The following UBE2Q2 variants were observed in gnomAD, a reference collection of about 807,000 sequenced individuals.
UBE2Q2 encodes the protein ubiquitin-conjugating enzyme E2 Q2.
In UBE2Q2, 54 loss-of-function variants were observed where a neutral mutation model predicts 59.9. The ratio of observed to expected loss-of-function variants is 0.90; its 90% CI spans 0.72 to 1.13. UBE2Q2 has a LOEUF of 1.13. Ranked by LOEUF, UBE2Q2 falls within the 50% of genes most tolerant of loss-of-function variation. UBE2Q2 has a pLI of 0.00. For missense variants in UBE2Q2, 433 were observed against 441.9 expected, an observed-to-expected ratio of 0.98 and a Z score of 0.18; for synonymous variants, 165 against 155.2, an observed-to-expected ratio of 1.06 and a Z score of -0.47.
chr15:75,876,114 C>A, intron 5 of UBE2Q2, 73 bp from the exon 6 acceptor site: 5 of 1,216,698 alleles, frequency 4.1e-6, no homozygotes, highest in South Asian at 1.3e-5. Flanking sequence ...TTGCTGTAAT[C>A]TTTTAGATCA....
intron 11 of UBE2Q2, among the ~76,000 whole-genome samples, chr15:75,893,876 T>C (rs901739708): frequency 1.3e-5 from 2 of 152,162 alleles, no homozygotes; most frequent in Non-Finnish European, 2.9e-5. Flanking sequence ...TAATTAAAAT[T>C]ACTAAAATTC....
intron 4 of UBE2Q2, among the ~76,000 whole-genome samples, chr15:75,870,637 A>G (rs1469301843): frequency 6.6e-6 from 1 of 152,174 alleles, no homozygotes; most frequent in East Asian, 1.9e-4. Context: ...GAGATGTCAG[A>G]TTAGGACAAG....
chr15:75,898,153 CT>C (rs1899536657), intron 12 of UBE2Q2, among the ~76,000 whole-genome samples: 1 of 152,156 alleles, frequency 6.6e-6, no homozygotes, highest in African/African-American at 2.4e-5. Flanking sequence ...TCTAATTTGC[CT>C]TTTTATAGAG....
chr15:75,875,148 A>G (rs1898007098), intron 5 of UBE2Q2, among the ~76,000 whole-genome samples: 1 of 152,216 alleles, frequency 6.6e-6, no homozygotes, highest in Non-Finnish European at 1.5e-5. Context: ...ACACTTTTGC[A>G]TGATGGATAC....
Position 75,897,044 on chromosome 15 carries a change from A to G in UBE2Q2, c.1079A>G (p.Gln360Arg). 1 of 1,566,228 alleles carries G rather than the reference A, an allele frequency of 6.4e-7. No homozygotes were observed. Among genetic ancestry groups the G allele is most frequent in the Non-Finnish European group, 8.7e-7 (1 of 1,153,498 alleles). The change falls in exon 12 of 13, where the codon CAG becomes CGG. Residue 360 changes from glutamine to arginine, a missense_variant. Coordinates refer to ENST00000267938, the MANE Select transcript of UBE2Q2 (RefSeq NM_173469.4). ...RAQQSYNSIV[Q>R]IHEKNGWYTP... ...CAACAATCCTATAATTCCATTGTAC[A>G]GATACATGAGAAAAATGGTATGTTT... is the stretch of plus-strand genomic sequence containing the variant.
intron 11 of UBE2Q2, among the ~76,000 whole-genome samples, chr15:75,895,710 T>G (rs1300652640): frequency 6.6e-6 from 1 of 152,092 alleles, no homozygotes; most frequent in African/African-American, 2.4e-5. Flanking sequence ...ATCTAGTATA[T>G]TGTCAGAAAT....
Position 75,843,800 on chromosome 15 carries a change from G to C in UBE2Q2, c.134G>C (p.Ser45Thr), listed in dbSNP as rs142623228. The C allele has an allele frequency of 7.5e-6, 12 of 1,604,310 alleles. No individual in the cohort carries two copies. Among genetic ancestry groups the C allele is most frequent in the Non-Finnish European group, 8.5e-6 (10 of 1,176,920 alleles). Residue 45 changes from serine to threonine, a missense_variant, in exon 1 of 13, where the codon AGC (serine) becomes ACC (threonine). By Grantham distance (58) the Ser-to-Thr change is moderately conservative. Transcript: ENST00000267938. Reference sequence around the variant, plus strand: ...CAGTTCCTGGTGCCGCAGCAGGGCAGCCCGCACTCGCTGCCGCCGCCACTC... The same window carrying C: ...CAGTTCCTGGTGCCGCAGCAGGGCACCCCGCACTCGCTGCCGCCGCCACTC... ...HCQFLVPQQG[S>T]PHSLPPPLTL... is the part of the protein sequence containing the mutation.
chr15:75,850,174 T>C (rs1567014570), intron 1 of UBE2Q2, among the ~76,000 whole-genome samples: 1 of 152,292 alleles, frequency 6.6e-6, no homozygotes, highest in East Asian at 1.9e-4. Context: ...GGTGGATATT[T>C]TATAATATGG....
chr15:75,878,980 T>G, intron 7 of UBE2Q2, 118 bp from the exon 8 acceptor site: 1 of 623,358 alleles, frequency 1.6e-6, no homozygotes, highest in East Asian at 3.0e-5. Context: ...ACCTTCTCTT[T>G]CTGGAACTTG....
chr15:75,859,189 A>G (rs1338355629), intron 2 of UBE2Q2, among the ~76,000 whole-genome samples: 4 of 152,254 alleles, frequency 2.6e-5, no homozygotes, highest in African/African-American at 9.6e-5. Context: ...TTAAACATGG[A>G]AATTTACAGT....
At chr15:75,862,463 G>T in intron 3 of UBE2Q2, among the ~76,000 whole-genome samples, 1 of 136,698 alleles carries the variant, frequency 7.3e-6, no homozygotes, top group Admixed American at 7.4e-5. Flanking sequence ...ATTCTATGTT[G>T]CTCATCATTT....
In UBE2Q2 at chr15:75,844,913, A is replaced by G. The variant is rs149829593; in HGVS notation, c.180+1067A>G. On this transcript the variant is annotated intron_variant, in intron 1 of 12. Coordinates refer to ENST00000267938, the MANE Select transcript of UBE2Q2 (RefSeq NM_173469.4). ...TGGCGTTTGCAAAAACCTTGATGTTATAATTGACCTTAAAATGGTTACCAG... is the reference window on the plus strand; with the variant it reads ...TGGCGTTTGCAAAAACCTTGATGTTGTAATTGACCTTAAAATGGTTACCAG... Among the ~76,000 whole-genome samples, 61 of 152,206 alleles carry G rather than the reference A, an allele frequency of 4.0e-4. 1 individual carries two copies. In the East Asian group the frequency reaches 0.012, roughly 29 times the overall value.
At chr15:75,887,632 C>A (rs1362862677) in intron 9 of UBE2Q2, among the ~76,000 whole-genome samples, 1 of 149,352 alleles carries the variant, frequency 6.7e-6, no homozygotes, top group African/African-American at 2.5e-5. Flanking sequence ...TTCTGTATAA[C>A]TGGTTGAGGA....
intron 1 of UBE2Q2, among the ~76,000 whole-genome samples, chr15:75,846,028 C>A (rs1896327351): frequency 6.6e-6 from 1 of 152,158 alleles, no homozygotes; most frequent in African/African-American, 2.4e-5. Context: ...GGCAGCTGCT[C>A]AGTACAAATG....
chr15:75,855,866 A>C (rs1595860002), intron 2 of UBE2Q2, among the ~76,000 whole-genome samples: 1 of 152,288 alleles, frequency 6.6e-6, no homozygotes, highest in African/African-American at 2.4e-5. Flanking sequence ...TAAATATGTC[A>C]CTTATCGCCA....
At chr15:75,868,140 C>T (rs912127536) in intron 3 of UBE2Q2, among the ~76,000 whole-genome samples, 10 of 152,254 alleles carry the variant, frequency 6.6e-5, no homozygotes, top group African/African-American at 2.2e-4. Flanking sequence ...TAGATACTGC[C>T]GAGACCTTTG....
At chr15:75,889,968 AT>A (rs1012671831) in intron 9 of UBE2Q2, among the ~76,000 whole-genome samples, 19 of 152,164 alleles carry the variant, frequency 1.2e-4, no homozygotes, top group Admixed American at 5.9e-4. Flanking sequence ...TCACAACAGA[AT>A]GGGTAAAAAC....
intron 1 of UBE2Q2, among the ~76,000 whole-genome samples, chr15:75,847,294 A>T (rs1896402664): frequency 6.6e-6 from 1 of 152,206 alleles, no homozygotes; most frequent in African/African-American, 2.4e-5. Context: ...TGCAGAGATA[A>T]CATCAATAAC....
intron 9 of UBE2Q2, among the ~76,000 whole-genome samples, chr15:75,887,348 G>A (rs2141659309): frequency 6.6e-6 from 1 of 152,280 alleles, no homozygotes; most frequent in African/African-American, 2.4e-5. Context: ...AAATGTGAGT[G>A]TCGGGTTTGG....
Sources: allele counts gnomAD v4.1 joint callset (sites outside exome capture counted in the v4.1 genomes callset), GRCh38; gene constraint gnomAD v4.1.1; transcripts MANE v1.5; gene names NCBI Gene and HGNC (gene_info 2026-07-23, HGNC 2026-07-21).